The following VWA3A variants were observed in gnomAD, a reference collection of about 807,000 sequenced individuals.
VWA3A encodes von Willebrand factor A domain-containing protein 3A.
In VWA3A, 134 loss-of-function variants were observed where a neutral mutation model predicts 160.4. That is an observed-to-expected ratio of 0.84 (90% CI 0.73 to 0.96). VWA3A has a LOEUF of 0.96. VWA3A is among the 40% of genes least tolerant of loss of function. The pLI is 0.00. For synonymous variants in VWA3A, 476 were observed against 543.4 expected (o/e 0.88, Z 1.72); for missense variants, 1,310 against 1,447.9 (o/e 0.90, Z 1.55).
At chr16:22,098,299 A>C (rs765747814) in intron 3 of VWA3A, among the ~76,000 whole-genome samples, 3 of 152,226 alleles carry the variant, frequency 2.0e-5, no homozygotes, top group Non-Finnish European at 2.9e-5. Flanking sequence ...AAAACAATAC[A>C]GGTATAATGC....
chr16:22,138,135 C>G (rs1001989516), intron 21 of VWA3A, among the ~76,000 whole-genome samples: 4 of 152,192 alleles, frequency 2.6e-5, no homozygotes, highest in Admixed American at 2.6e-4. Context: ...CCCAAGTATT[C>G]ACTAGCCCAG....
intron 6 of VWA3A, among the ~76,000 whole-genome samples, chr16:22,105,407 G>T (rs920377105): frequency 1.3e-5 from 2 of 152,162 alleles, no homozygotes; most frequent in African/African-American, 2.4e-5. Context: ...CCAGATAATC[G>T]CTGGTCCCTG....
chr16:22,119,216 A>G (rs937987301), intron 12 of VWA3A, among the ~76,000 whole-genome samples, 189 bp downstream of exon 12: 2 of 152,290 alleles, frequency 1.3e-5, no homozygotes, highest in South Asian at 4.2e-4. Flanking sequence ...TGGGCCCACC[A>G]TGGTACCGGA....
intron 5 of VWA3A, 105 bp from the exon 6 acceptor site, chr16:22,103,370 T>TAAA: frequency 1.5e-5 from 13 of 886,758 alleles, no homozygotes; most frequent in South Asian, 1.9e-5. Flanking sequence ...CTATGCACAT[T>TAAA]AAAAAAAAAA....
At chr16:22,099,902 C>A (rs764463590) in intron 3 of VWA3A, among the ~76,000 whole-genome samples, 1 of 152,182 alleles carries the variant, frequency 6.6e-6, no homozygotes, top group Non-Finnish European at 1.5e-5. Flanking sequence ...TGCCAAAACC[C>A]TGTCTCTACT....
intron 22 of VWA3A, 65 bp downstream of exon 22, chr16:22,138,577 G>T: frequency 6.3e-7 from 1 of 1,597,482 alleles, no homozygotes; most frequent in African/African-American, 1.3e-5. Flanking sequence ...GGTCTTTCCT[G>T]GGTCTTAAAA....
At chr16:22,146,491 A>C in intron 27 of VWA3A, 147 bp downstream of exon 27, 2 of 669,650 alleles carry the variant, frequency 3.0e-6, no homozygotes, top group Non-Finnish European at 5.0e-6. Context: ...TCCACATACA[A>C]CATGACACTG....
rs535610774 is a variant in VWA3A, at chr16:22,147,692, T to A, written c.2840-470T>A. ...AGCTGGGACAGAGAAGGCGTGAGCCTCTCTCCACCCTCGGTTCACATTACC... is the reference window on the plus strand; with the variant it reads ...AGCTGGGACAGAGAAGGCGTGAGCCACTCTCCACCCTCGGTTCACATTACC... On this transcript the variant is annotated intron_variant, in intron 27 of 33. Coordinates refer to ENST00000389398, the MANE Select transcript of VWA3A (RefSeq NM_173615.5). The A allele has an allele frequency of 1.0e-5, 7 of 701,728 alleles. No individual in the cohort carries two copies. The East Asian group carries it at 1.6e-4, about 16-fold the overall frequency. 43.5% of individuals were successfully genotyped at this position (701,728 alleles called of 1,614,324 possible). A position where few individuals can be genotyped will look rare whatever the true frequency, so the allele number is the denominator to read the frequency against.
chr16:22,114,993 A>G (rs1212474454), intron 8 of VWA3A, among the ~76,000 whole-genome samples: 1 of 151,978 alleles, frequency 6.6e-6, no homozygotes, highest in Non-Finnish European at 1.5e-5. Context: ...TTTTTAGTAG[A>G]GATGGGGTTC....
intron 15 of VWA3A, 188 bp from the exon 16 acceptor site, chr16:22,123,425 G>A (rs147231586): frequency 2.5e-4 from 380 of 1,523,358 alleles, no homozygotes; most frequent in Middle Eastern, 3.4e-4. Context: ...ATGAAATACC[G>A]TGTGACTCTT....
At chr16:22,144,687 G>A (rs1487872130) in intron 26 of VWA3A, among the ~76,000 whole-genome samples, 1 of 152,102 alleles carries the variant, frequency 6.6e-6, no homozygotes, top group Non-Finnish European at 1.5e-5. Flanking sequence ...GGAGGCTGAG[G>A]TGGGAGGATT....
At chr16:22,110,140 T>C (rs2045532665) in intron 7 of VWA3A, among the ~76,000 whole-genome samples, 1 of 152,192 alleles carries the variant, frequency 6.6e-6, no homozygotes, top group South Asian at 2.1e-4. Context: ...TGTGCCTTAC[T>C]TACCTCCTCT....
rs745887561 is a variant in VWA3A at position 22,118,904 on chromosome 16, C to A, written c.993C>A (p.His331Gln). 17 of 1,613,866 alleles carry A rather than the reference C, an allele frequency of 1.1e-5. No homozygotes were observed. The South Asian group carries it at 1.9e-4, about 18-fold the overall frequency. ...CTGATTGCTCTTGCCACCCTCAGCA[C>A]TACACCAGCCGGGACATGGATGAGC... is the stretch of plus-strand genomic sequence containing the variant. ...YYHCYSPKME[H>Q]YTSRDMDELL... Residue 331 changes from histidine (H) to glutamine (Q), a missense_variant and splice_region_variant, in exon 12 of 34, where the codon CAC (histidine) becomes CAA (glutamine). His to Gln is a conservative substitution (Grantham distance 24). Coordinates refer to ENST00000389398, the MANE Select transcript of VWA3A (RefSeq NM_173615.5).
chr16:22,155,466 T>C (rs1410281283), intron 31 of VWA3A, 101 bp from the exon 32 acceptor site: 1 of 1,048,752 alleles, frequency 9.5e-7, no homozygotes. Flanking sequence ...CTGCACTGGA[T>C]GGAAACCAGA....
chr16:22,122,947 G>A, intron 14 of VWA3A, 138 bp from the exon 15 acceptor site: 1 of 669,686 alleles, frequency 1.5e-6, no homozygotes, highest in Non-Finnish European at 2.7e-6. Flanking sequence ...TGGAGATGTG[G>A]GAGGGAGTTC....
intron 31 of VWA3A, among the ~76,000 whole-genome samples, chr16:22,153,626 A>G (rs1250146770): frequency 6.6e-6 from 1 of 152,316 alleles, no homozygotes; most frequent in East Asian, 1.9e-4. Context: ...TTAGGAATGC[A>G]ATGTTGTCAG....
At chr16:22,147,776 C>G (rs2142016114) in intron 27 of VWA3A, 2 of 672,372 alleles carry the variant, frequency 3.0e-6, no homozygotes, top group Non-Finnish European at 5.4e-6. Flanking sequence ...TATGAATCCC[C>G]CAGCTCACAT....
At chr16:22,116,696 C>G (rs1289733807) in intron 9 of VWA3A, 63 bp from the exon 10 acceptor site, 1 of 1,316,398 alleles carries the variant, frequency 7.6e-7, no homozygotes, top group African/African-American at 1.4e-5. Context: ...TACCGTTTTG[C>G]TCTGGAATGT....
intron 31 of VWA3A, 60 bp downstream of exon 31, chr16:22,152,694 G>A: frequency 6.5e-7 from 1 of 1,549,930 alleles, no homozygotes; most frequent in South Asian, 1.2e-5. Context: ...AATATCAACA[G>A]GCATGGGGTT....
Sources: gnomAD v4.1 joint callset for allele counts (sites outside exome capture counted in the v4.1 genomes callset) on GRCh38, gnomAD v4.1.1 for gene constraint, MANE v1.5 for transcripts, NCBI Gene and HGNC (gene_info 2026-07-23, HGNC 2026-07-21) for gene names.